Variants in FYN observed in about 807,000 individuals in gnomAD.
FYN encodes the protein FYN proto-oncogene, Src family tyrosine kinase.
A neutral mutation model predicts 70.2 loss-of-function variants in FYN; 10 were observed. The ratio of observed to expected loss-of-function variants is 0.14; its 90% CI spans 0.09 to 0.24. The LOEUF (loss-of-function observed/expected upper bound fraction) is 0.24. FYN is among the 10% of genes least tolerant of loss of function. The probability of loss-of-function intolerance (pLI) is 1.00; values close to 1 mark genes in which losing one functional copy is unlikely to be tolerated. For synonymous variants in FYN, 236 were observed against 248.6 expected, an observed-to-expected ratio of 0.95 and a Z score of 0.48; for missense variants, 319 against 673.1, an observed-to-expected ratio of 0.47 and a Z score of 5.82.
In FYN at chr6:111,710,997, C is replaced by T. The variant is rs900662722; in HGVS notation, c.345-2977G>A. On this transcript the variant is annotated intron_variant, in intron 5 of 13. Coordinates refer to ENST00000354650, the MANE Select transcript of FYN (RefSeq NM_002037.5). The stretch of plus-strand genomic sequence containing the variant: ...TAGAATGGCTTTTAAGGTTTTATAA[C>T]AGCTGTCTCTGTTCCTCTGATTTAA... Among the ~76,000 whole-genome samples, 24 of 152,272 alleles carry T rather than the reference C, an allele frequency of 1.6e-4. 1 individual carries two copies. Among genetic ancestry groups the T allele is most frequent in the African/African-American group, 5.5e-4 (23 of 41,558 alleles).
intron 2 of FYN, among the ~76,000 whole-genome samples, chr6:111,823,079 T>C (rs926332418): frequency 2.6e-5 from 4 of 152,252 alleles, no homozygotes; most frequent in African/African-American, 9.6e-5. Context: ...ATTATGTCCC[T>C]CTGTGTCTTT....
intron 10 of FYN, among the ~76,000 whole-genome samples, chr6:111,695,627 T>A (rs1799538647): frequency 6.6e-6 from 1 of 152,108 alleles, no homozygotes; most frequent in South Asian, 2.1e-4. Flanking sequence ...AAAAGAAAAA[T>A]TACACTGGTA....
At chr6:111,776,073 T>C (rs77358644) in intron 3 of FYN, among the ~76,000 whole-genome samples, 243 of 152,296 alleles carry the variant, frequency 1.6e-3, no homozygotes, top group African/African-American at 5.6e-3. Context: ...CTAATTTTAT[T>C]TTGCAGACCA....
chr6:111,694,804 A>G lies in FYN; in HGVS notation c.1043-100T>C, dbSNP rs182477528. On this transcript the variant is annotated intron_variant, in intron 10 of 13. Transcript: ENST00000354650. This position sits in a 1 kb window ranked among gnomAD's most constrained non-coding sequence, Gnocchi z 5.0. ...TTATTAAAAGTAATAAGGTAGTCAA[A>G]TGGAATAATGCCATCCACATGGGGG... 2.5e-5 allele frequency: 25 copies of G among 1,011,184 alleles called. No individual in the cohort carries two copies. The Admixed American group carries it at 5.4e-4, about 22-fold the overall frequency. 62.6% of individuals were successfully genotyped at this position (1,011,184 alleles called of 1,614,324 possible). A position where few individuals can be genotyped will look rare whatever the true frequency, so the allele number is the denominator to read the frequency against.
intron 3 of FYN, among the ~76,000 whole-genome samples, chr6:111,733,813 C>G (rs1313124890): frequency 6.6e-6 from 1 of 152,218 alleles, no homozygotes; most frequent in Non-Finnish European, 1.5e-5. Flanking sequence ...CCAAGCCAGG[C>G]ACGGTGGCTC....
intron 1 of FYN, among the ~76,000 whole-genome samples, chr6:111,857,680 A>T (rs190009403): frequency 1.3e-5 from 2 of 151,670 alleles, no homozygotes; most frequent in Admixed American, 1.3e-4. Flanking sequence ...TGATCATTGC[A>T]TTTCTACTTA....
rs144493164 is a variant in FYN, at chr6:111,720,279, C to T, written c.-11-217G>A. 5.1e-4 allele frequency among the ~76,000 whole-genome samples: 77 copies of T among 152,266 alleles called. 1 individual carries two copies. In the South Asian group the frequency reaches 9.1e-3, roughly 18 times the overall value. On this transcript the variant is annotated intron_variant, in intron 3 of 13. Transcript: ENST00000354650. ...GTTCCCCATATGTTCTGGATGACAG[C>T]ATCATCACGGAGCACAATGTTCACC...
At chr6:111,743,842 A>G (rs1010900338) in intron 3 of FYN, among the ~76,000 whole-genome samples, 8 of 152,188 alleles carry the variant, frequency 5.3e-5, no homozygotes, top group Middle Eastern at 3.2e-3. Flanking sequence ...ACGGCCCCTC[A>G]TTTGTTAATG....
chr6:111,802,997 G>A (rs141475350), intron 2 of FYN, among the ~76,000 whole-genome samples: 1,606 of 152,290 alleles, frequency 0.011, 15 homozygotes, highest in Non-Finnish European at 0.016. Flanking sequence ...CCAGAATCTA[G>A]TTCTTCTAAG....
intron 3 of FYN, among the ~76,000 whole-genome samples, chr6:111,757,853 C>G (rs560651519): frequency 2.0e-5 from 3 of 152,192 alleles, no homozygotes; most frequent in African/African-American, 7.2e-5. Flanking sequence ...GTATGTCCAT[C>G]GGCATGGGGG....
rs1329539960 is a variant in FYN at position 111,821,692 on chromosome 6, C to T, written c.-82+24897G>A. ...CAAAAGAAACTACCATCAGAGTGAA[C>T]GGGCAACCTACAGAATGGGAGAAAA... On this transcript the variant is annotated intron_variant, in intron 2 of 13. Transcript: ENST00000354650. Among the ~76,000 whole-genome samples, 5 of 152,026 alleles carry T rather than the reference C, an allele frequency of 3.3e-5. No homozygotes were observed. In the East Asian group the frequency reaches 7.7e-4, roughly 23 times the overall value.
At chr6:111,701,917 T>C (rs546059976) in intron 8 of FYN, among the ~76,000 whole-genome samples, 13 of 152,246 alleles carry the variant, frequency 8.5e-5, no homozygotes, top group Non-Finnish European at 1.3e-4. Context: ...ACATTTCTTA[T>C]TGTCATTTTC....
At chr6:111,865,053 T>C (rs1774067103) in intron 1 of FYN, among the ~76,000 whole-genome samples, 1 of 152,184 alleles carries the variant, frequency 6.6e-6, no homozygotes, top group African/African-American at 2.4e-5. Context: ...TTTTGCAGTA[T>C]CACAGAAAGG....
At chr6:111,739,622 GT>G (rs1801865551) in intron 3 of FYN, among the ~76,000 whole-genome samples, 1 of 152,142 alleles carries the variant, frequency 6.6e-6, no homozygotes, top group Admixed American at 6.5e-5. Flanking sequence ...TTTGAGGCAG[GT>G]TTCCTTCCAC....
chr6:111,737,440 C>T (rs1180440039), intron 3 of FYN, among the ~76,000 whole-genome samples: 1 of 152,190 alleles, frequency 6.6e-6, no homozygotes, highest in African/African-American at 2.4e-5. Context: ...TACAGCAGCT[C>T]ACAGAACCCA....
intron 3 of FYN, among the ~76,000 whole-genome samples, chr6:111,768,329 T>C (rs879923875): frequency 9.2e-5 from 14 of 152,338 alleles, no homozygotes; most frequent in East Asian, 7.7e-4. Context: ...GAATGAATGA[T>C]TGTTTCAACT....
intron 2 of FYN, among the ~76,000 whole-genome samples, chr6:111,841,988 AACACACACAC>A (rs35832854): frequency 6.7e-6 from 1 of 148,170 alleles, no homozygotes; most frequent in Admixed American, 6.7e-5. Context: ...CTTCCTCCTA[AACACACACAC>A]ACACACACAC....
At chr6:111,815,712 CTTTT>C (rs11320954) in intron 2 of FYN, among the ~76,000 whole-genome samples, 3 of 140,486 alleles carry the variant, frequency 2.1e-5, no homozygotes, top group Non-Finnish European at 3.1e-5. Context: ...CTGAGTACTT[CTTTT>C]TTTTTTTTTT....
intron 3 of FYN, among the ~76,000 whole-genome samples, chr6:111,753,106 CAGA>C (rs1802559607): frequency 6.6e-6 from 1 of 152,162 alleles, no homozygotes; most frequent in African/African-American, 2.4e-5. Context: ...ACTGGTCTTG[CAGA>C]AGAAGTGTCA....
Sources: allele counts gnomAD v4.1 joint callset (sites outside exome capture counted in the v4.1 genomes callset), GRCh38; gene constraint gnomAD v4.1.1; non-coding constraint Gnocchi (gnomAD v3.1); transcripts MANE v1.5; gene names NCBI Gene and HGNC (gene_info 2026-07-23, HGNC 2026-07-21).